SEMA3E: variants seen among roughly 807,000 people sequenced by gnomAD.
SEMA3E encodes the protein semaphorin 3E.
Under a neutral mutation model 93.6 loss-of-function variants are expected in SEMA3E, and 49 were observed. That is an observed-to-expected ratio of 0.52 (90% confidence interval 0.42 to 0.66). SEMA3E has a LOEUF of 0.66. Ranked by LOEUF, SEMA3E falls within the 30% of genes least tolerant of loss-of-function variation. The probability of loss-of-function intolerance (pLI) is 0.00; values close to 1 mark genes in which losing one functional copy is unlikely to be tolerated. For missense variants in SEMA3E, 906 were observed against 964.8 expected (o/e 0.94, Z 0.81); for synonymous variants, 363 against 330.7 (o/e 1.10, Z -1.06).
chr7:83,544,597 A>G (rs1400268652), intron 1 of SEMA3E, among the ~76,000 whole-genome samples: 2 of 152,156 alleles, frequency 1.3e-5, no homozygotes, highest in Non-Finnish European at 2.9e-5. Flanking sequence ...AACTATTGTG[A>G]CAACTCAATG....
At chr7:83,534,745 A>G (rs796554314) in intron 1 of SEMA3E, among the ~76,000 whole-genome samples, 19 of 152,330 alleles carry the variant, frequency 1.2e-4, no homozygotes, top group African/African-American at 4.6e-4. Flanking sequence ...ACAATGGCAG[A>G]AATGAGTAGC....
intron 1 of SEMA3E, among the ~76,000 whole-genome samples, chr7:83,496,495 G>A (rs913119346): frequency 7.3e-5 from 11 of 151,684 alleles, no homozygotes; most frequent in African/African-American, 1.5e-4. Flanking sequence ...TAAACTATCC[G>A]AAATAATTAC....
chr7:83,512,005 G>T (rs773815188), intron 1 of SEMA3E, among the ~76,000 whole-genome samples: 9 of 152,116 alleles, frequency 5.9e-5, no homozygotes, highest in Non-Finnish European at 1.3e-4. Context: ...TACAATGTCT[G>T]TTATTTCGGT....
At chr7:83,400,276 T>G in intron 10 of SEMA3E, 26 bp from the exon 11 acceptor site, 1 of 1,604,934 alleles carries the variant, frequency 6.2e-7, no homozygotes, top group South Asian at 1.1e-5. Context: ...ATCAGATAAT[T>G]CTTTTTGCTT....
Position 83,648,669 on chromosome 7 carries a change from A to C in SEMA3E, c.-127T>G. 1 of 745,872 alleles carries C rather than the reference A, an allele frequency of 1.3e-6. No individual in the cohort carries two copies. The highest frequency in any genetic ancestry group is 1.5e-5 in the South Asian group (1 of 67,788). The allele number at this position is 745,872 out of a possible 1,614,324, so 46.2% of individuals were successfully genotyped here. A position where few individuals can be genotyped will look rare whatever the true frequency, so the allele number is the denominator to read the frequency against. On this transcript the variant is annotated 5_prime_UTR_variant, in exon 1 of 17. Coordinates refer to ENST00000643230, the MANE Select transcript of SEMA3E (RefSeq NM_012431.3). ...GAAATCGAACGCGTTGTCATCAGAA[A>C]GCACAGTTCCGAAGTGCCATTTGTC...
intron 1 of SEMA3E, among the ~76,000 whole-genome samples, chr7:83,537,466 G>A (rs1389048186): frequency 6.6e-6 from 1 of 152,138 alleles, no homozygotes; most frequent in Non-Finnish European, 1.5e-5. Context: ...GGTGAAGGGA[G>A]AGAGAATTGC....
At chr7:83,608,533 C>T (rs42029) in intron 1 of SEMA3E, among the ~76,000 whole-genome samples, 92,668 of 151,858 alleles carry the variant, frequency 0.61, 28,625 homozygotes, top group African/African-American at 0.7. Context: ...TTCTGAGCTT[C>T]ACATTTTTCA....
chr7:83,389,868 A>G (rs1200471239), intron 14 of SEMA3E, among the ~76,000 whole-genome samples: 1 of 89,130 alleles, frequency 1.1e-5, no homozygotes, highest in Non-Finnish European at 2.3e-5. Flanking sequence ...CGTATATATT[A>G]CATGTATACA....
chr7:83,601,245 G>A (rs1281594844), intron 1 of SEMA3E, among the ~76,000 whole-genome samples: 1 of 152,164 alleles, frequency 6.6e-6, no homozygotes, highest in Non-Finnish European at 1.5e-5. Flanking sequence ...TGTTTAAAGA[G>A]ACTATGTTTA....
At chr7:83,622,338 T>C (rs1195523071) in intron 1 of SEMA3E, among the ~76,000 whole-genome samples, 1 of 152,160 alleles carries the variant, frequency 6.6e-6, no homozygotes, top group East Asian at 1.9e-4. Flanking sequence ...CAACAGATGC[T>C]GGTGAGGTTG....
intron 1 of SEMA3E, among the ~76,000 whole-genome samples, chr7:83,603,231 A>G (rs1351798215): frequency 6.6e-6 from 1 of 152,126 alleles, no homozygotes; most frequent in Non-Finnish European, 1.5e-5. Context: ...CTCTCACCCA[A>G]ATACCACCCA....
chr7:83,427,844 C>G (rs886365149), intron 4 of SEMA3E, among the ~76,000 whole-genome samples: 1 of 152,146 alleles, frequency 6.6e-6, no homozygotes, highest in Non-Finnish European at 1.5e-5. Context: ...TGGTGTTTAA[C>G]CCTATTGAGA....
intron 1 of SEMA3E, among the ~76,000 whole-genome samples, chr7:83,561,409 T>A (rs1314121331): frequency 6.6e-6 from 1 of 152,088 alleles, no homozygotes. Flanking sequence ...CCAAAATAAT[T>A]TCACTGTAGA....
intron 1 of SEMA3E, among the ~76,000 whole-genome samples, chr7:83,602,350 G>A (rs1793013628): frequency 6.6e-6 from 1 of 152,136 alleles, no homozygotes; most frequent in African/African-American, 2.4e-5. Context: ...GAATGCCACT[G>A]CCTTCACAAA....
At chr7:83,420,267 C>G (rs1788647008) in intron 4 of SEMA3E, among the ~76,000 whole-genome samples, 1 of 151,896 alleles carries the variant, frequency 6.6e-6, no homozygotes, top group Non-Finnish European at 1.5e-5. Context: ...AGGTGAAAGG[C>G]CTCTATAAGG....
At chr7:83,398,589 T>C (rs2115609462) in intron 11 of SEMA3E, among the ~76,000 whole-genome samples, 1 of 152,342 alleles carries the variant, frequency 6.6e-6, no homozygotes, top group East Asian at 1.9e-4. Flanking sequence ...ATACAGCCTG[T>C]ACCAGAGATC....
At chr7:83,521,742 C>T (rs191635732) in intron 1 of SEMA3E, among the ~76,000 whole-genome samples, 95 of 152,140 alleles carry the variant, frequency 6.2e-4, no homozygotes, top group African/African-American at 2.2e-3. Context: ...TGGTGTTGTC[C>T]TCACAGGCAA....
At chr7:83,610,499 A>T (rs1793229157) in intron 1 of SEMA3E, among the ~76,000 whole-genome samples, 1 of 152,142 alleles carries the variant, frequency 6.6e-6, no homozygotes, top group Non-Finnish European at 1.5e-5. Flanking sequence ...ATGGTCTACT[A>T]CATTAATCTA....
chr7:83,416,638 A>G (rs947040559), intron 5 of SEMA3E, among the ~76,000 whole-genome samples: 2 of 151,910 alleles, frequency 1.3e-5, no homozygotes, highest in African/African-American at 4.8e-5. Flanking sequence ...TTAATTTTGC[A>G]TTTGTTTAGG....
Sources: allele counts gnomAD v4.1 joint callset (sites outside exome capture counted in the v4.1 genomes callset), GRCh38; gene constraint gnomAD v4.1.1; transcripts MANE v1.5; gene names NCBI Gene and HGNC (gene_info 2026-07-23, HGNC 2026-07-21).